Variants in PIGK observed in about 807,000 individuals in gnomAD.
The protein encoded by PIGK is GPI-anchor transamidase.
PIGK carries 42 observed loss-of-function variants against 50.6 expected under a neutral mutation model. That is an observed-to-expected ratio of 0.83 (90% CI 0.65 to 1.07). The LOEUF (loss-of-function observed/expected upper bound fraction) is 1.07, where lower values mean the gene tolerates loss of function less well. Among genes scored for constraint, PIGK ranks in the 50% least tolerant of loss-of-function variants. The pLI is 0.00. For missense variants in PIGK, 448 were observed against 488.7 expected, an observed-to-expected ratio of 0.92 and a Z score of 0.78; for synonymous variants, 151 against 156.0, an observed-to-expected ratio of 0.97 and a Z score of 0.24.
chr1:77,168,793 G>A (rs897489347), intron 4 of PIGK, among the ~76,000 whole-genome samples: 8 of 151,628 alleles, frequency 5.3e-5, no homozygotes, highest in Non-Finnish European at 1.2e-4. Context: ...TTCAAAGGGA[G>A]AAAATAGAGT....
chr1:77,145,365 T>C lies in PIGK; in HGVS notation c.986+9084A>G, dbSNP rs148412121. The stretch of plus-strand genomic sequence containing the variant: ...TGCTGGGGTTTTGATTGGAATTGGG[T>C]TGACCCCAAATCAATAAGATCTCAG... On this transcript the variant is annotated intron_variant, in intron 9 of 10. Transcript: ENST00000370812. 1.2e-4 allele frequency among the ~76,000 whole-genome samples: 18 copies of C among 152,072 alleles called. No homozygotes were observed. In the East Asian group the frequency reaches 3.3e-3, roughly 28 times the overall value.
chr1:77,204,507 G>T (rs1050654800), intron 3 of PIGK, among the ~76,000 whole-genome samples: 1 of 152,048 alleles, frequency 6.6e-6, no homozygotes, highest in South Asian at 2.1e-4. Flanking sequence ...TGTGATCTCT[G>T]TGACCCACAC....
intron 10 of PIGK, among the ~76,000 whole-genome samples, chr1:77,094,527 TCATC>T (rs1235461319): frequency 6.6e-6 from 1 of 152,092 alleles, no homozygotes; most frequent in Non-Finnish European, 1.5e-5. Flanking sequence ...AGCTCTACAT[TCATC>T]AGAGATTATA....
chr1:77,156,115 CAGAT>C (rs1655002850), intron 8 of PIGK, among the ~76,000 whole-genome samples: 2 of 151,892 alleles, frequency 1.3e-5, no homozygotes, highest in African/African-American at 4.8e-5. Context: ...ACAGGAATAA[CAGAT>C]AGAAGATTGG....
chr1:77,124,620 CA>C lies in PIGK; in HGVS notation c.987-2262del, dbSNP rs1553181006. On this transcript the variant is annotated intron_variant, in intron 9 of 10. Coordinates refer to ENST00000370812, the MANE Select transcript of PIGK (RefSeq NM_005482.3). ...CAAGAGTCTCAAAACAAACAAACAA[CA>C]AAAAAAAAAACACACACACGCAGCA... Among the ~76,000 whole-genome samples the C allele has an allele frequency of 2.2e-3, 317 of 146,634 alleles. 1 individual carries two copies. Among genetic ancestry groups the C allele is most frequent in the Non-Finnish European group, 3.9e-3 (258 of 66,068 alleles).
rs1653300376 is a variant in PIGK at position 77,091,623 on chromosome 1, C to T, written c.*751G>A. 1.3e-5 allele frequency: 2 copies of T among 152,140 alleles called. No homozygotes were observed. The highest frequency in any genetic ancestry group is 2.9e-5 in the Non-Finnish European group (2 of 68,010). 9.4% of individuals were successfully genotyped at this position (152,140 alleles called of 1,614,324 possible). On this transcript the variant is annotated 3_prime_UTR_variant, in exon 11 of 11. Coordinates refer to ENST00000370812, the MANE Select transcript of PIGK (RefSeq NM_005482.3). ...GTCAGTACGTGAAATTATCAAAGGT[C>T]TAAAATTTCCCAAATAAACTGACAA...
At chr1:77,185,155 T>G (rs993935605) in intron 3 of PIGK, among the ~76,000 whole-genome samples, 1 of 152,256 alleles carries the variant, frequency 6.6e-6, no homozygotes, top group African/African-American at 2.4e-5. Context: ...TCTCCATGCC[T>G]GTCTACAAGG....
chr1:77,179,204 C>G (rs770424130), intron 3 of PIGK, among the ~76,000 whole-genome samples: 44 of 152,202 alleles, frequency 2.9e-4, no homozygotes, highest in Admixed American at 7.2e-4. Flanking sequence ...ACTCACTGTT[C>G]TACTGTTTCC....
At chr1:77,123,679 C>G (rs888000908) in intron 9 of PIGK, among the ~76,000 whole-genome samples, 1 of 151,616 alleles carries the variant, frequency 6.6e-6, no homozygotes, top group Non-Finnish European at 1.5e-5. Context: ...AGGTTCCGTT[C>G]GCAAGATGAA....
chr1:77,185,126 G>A (rs1158837997), intron 3 of PIGK, among the ~76,000 whole-genome samples: 1 of 152,212 alleles, frequency 6.6e-6, no homozygotes, highest in East Asian at 1.9e-4. Context: ...TGTAGCCACT[G>A]ATTCGGCAAA....
intron 3 of PIGK, among the ~76,000 whole-genome samples, chr1:77,183,780 C>A (rs192525578): frequency 1.3e-5 from 2 of 152,186 alleles, no homozygotes; most frequent in East Asian, 3.9e-4. Flanking sequence ...AGATGGCCCA[C>A]TGTGAGAGGT....
At chr1:77,188,737 C>T (rs1655815095) in intron 3 of PIGK, among the ~76,000 whole-genome samples, 1 of 152,186 alleles carries the variant, frequency 6.6e-6, no homozygotes, top group African/African-American at 2.4e-5. Context: ...GATGTCTCCC[C>T]TGGATGCCCA....
chr1:77,145,288 A>G (rs979126920), intron 9 of PIGK, among the ~76,000 whole-genome samples: 5 of 151,966 alleles, frequency 3.3e-5, no homozygotes, highest in African/African-American at 1.2e-4. Context: ...TTCCATATAA[A>G]TTTTGGAATC....
intron 10 of PIGK, among the ~76,000 whole-genome samples, chr1:77,116,560 CTCTG>C (rs1557796613): frequency 9.6e-6 from 1 of 103,806 alleles, no homozygotes; most frequent in East Asian, 2.7e-4. Flanking sequence ...TTAAATGTGT[CTCTG>C]TGTGTGTGTG....
intron 2 of PIGK, among the ~76,000 whole-genome samples, chr1:77,209,925 G>A (rs918930580): frequency 6.6e-6 from 1 of 152,178 alleles, no homozygotes; most frequent in African/African-American, 2.4e-5. Flanking sequence ...ACTCTGGGAT[G>A]TGGGACTTGA....
chr1:77,183,164 G>A (rs1196043342), intron 3 of PIGK, among the ~76,000 whole-genome samples: 1 of 152,136 alleles, frequency 6.6e-6, no homozygotes. Flanking sequence ...GTTAAACTGA[G>A]GGCATTGATT....
intron 9 of PIGK, among the ~76,000 whole-genome samples, chr1:77,140,704 A>C (rs1654631293): frequency 6.6e-6 from 1 of 152,202 alleles, no homozygotes; most frequent in African/African-American, 2.4e-5. Flanking sequence ...AACAAAACAA[A>C]AAAAACCACT....
At chr1:77,143,393 A>G (rs1654699689) in intron 9 of PIGK, among the ~76,000 whole-genome samples, 1 of 152,036 alleles carries the variant, frequency 6.6e-6, no homozygotes, top group Non-Finnish European at 1.5e-5. Context: ...ATAGAGAGAA[A>G]TTTTTACCAT....
At chr1:77,132,856 T>C (rs1654409395) in intron 9 of PIGK, among the ~76,000 whole-genome samples, 2 of 152,116 alleles carry the variant, frequency 1.3e-5, no homozygotes, top group Admixed American at 6.5e-5. Flanking sequence ...ACTTTAAACA[T>C]GTCATTCTAT....
Sources: allele counts gnomAD v4.1 joint callset (sites outside exome capture counted in the v4.1 genomes callset), GRCh38; gene constraint gnomAD v4.1.1; transcripts MANE v1.5; gene names NCBI Gene and HGNC (gene_info 2026-07-23, HGNC 2026-07-21).